The following NUAK1 variants were observed in gnomAD, a reference collection of about 807,000 sequenced individuals.
The protein encoded by NUAK1 is NUAK family kinase 1.
In NUAK1, 26 loss-of-function variants were observed where a neutral mutation model predicts 56.9. The observed-to-expected ratio is 0.46, with a 90% CI of 0.33 to 0.63. The LOEUF (loss-of-function observed/expected upper bound fraction) is 0.63, where lower values mean the gene tolerates loss of function less well. NUAK1 is among the 30% of genes least tolerant of loss of function. The pLI, the probability that NUAK1 is intolerant of heterozygous loss-of-function variation, is 0.02. For missense variants in NUAK1, 727 were observed against 876.1 expected, an observed-to-expected ratio of 0.83 and a Z score of 2.15; for synonymous variants, 337 against 336.0, an observed-to-expected ratio of 1.00 and a Z score of -0.03.
chr12:106,131,364 C>CCGCA (rs2033077913), intron 1 of NUAK1, among the ~76,000 whole-genome samples: 1 of 152,176 alleles, frequency 6.6e-6, no homozygotes, highest in African/African-American at 2.4e-5. Flanking sequence ...CCAACCCCAC[C>CCGCA]CGCAGGCCCA....
chr12:106,092,376 G>T (rs187535164), intron 2 of NUAK1, among the ~76,000 whole-genome samples: 64 of 152,136 alleles, frequency 4.2e-4, no homozygotes, highest in African/African-American at 1.4e-3. Context: ...AAATTAGCTG[G>T]GCGTGGTAGT....
intron 1 of NUAK1, among the ~76,000 whole-genome samples, chr12:106,120,579 C>T (rs1208077813): frequency 1.3e-5 from 2 of 152,190 alleles, no homozygotes; most frequent in Non-Finnish European, 2.9e-5. Flanking sequence ...GAAGCCATCT[C>T]AGGTCACCCC....
intron 1 of NUAK1, among the ~76,000 whole-genome samples, chr12:106,126,734 A>T (rs2913132): frequency 6.6e-6 from 1 of 151,916 alleles, no homozygotes; most frequent in Non-Finnish European, 1.5e-5. Context: ...TCTTTTCCTC[A>T]TCCCTGGAAT....
chr12:106,098,338 G>T (rs988891696), intron 2 of NUAK1, among the ~76,000 whole-genome samples: 1 of 152,118 alleles, frequency 6.6e-6, no homozygotes, highest in Admixed American at 6.5e-5. Flanking sequence ...ATCTTCTCGT[G>T]GGCAGCATGC....
At chr12:106,133,251 C>T (rs569291844) in intron 1 of NUAK1, among the ~76,000 whole-genome samples, 1 of 152,240 alleles carries the variant, frequency 6.6e-6, no homozygotes, top group African/African-American at 2.4e-5. Context: ...TTCCAATCCT[C>T]TGAAACCCAA....
At chr12:106,083,970 T>C (rs1308899145) in intron 3 of NUAK1, 41 bp from the exon 4 acceptor site, 2 of 1,543,770 alleles carry the variant, frequency 1.3e-6, no homozygotes, top group Admixed American at 1.7e-5. Context: ...TGGGAGCGGC[T>C]GGGATGAGAA....
Position 106,086,888 on chromosome 12 carries a change from G to A in NUAK1, c.362-3C>T. On this transcript the variant is annotated splice_region_variant and splice_polypyrimidine_tract_variant and intron_variant, in intron 2 of 6. Coordinates refer to ENST00000261402, the MANE Select transcript of NUAK1 (RefSeq NM_014840.3). The stretch of plus-strand genomic sequence containing the variant: ...AATCTTATCTTTGTTCTCAAACACT[G>A]CAGAGGGAAAACAGCAATACACAAA... 3.7e-6 allele frequency: 6 copies of A among 1,611,568 alleles called. No homozygotes were observed. Among genetic ancestry groups the A allele is most frequent in the Non-Finnish European group, 4.2e-6 (5 of 1,177,898 alleles).
chr12:106,130,876 G>A (rs1026713600), intron 1 of NUAK1, among the ~76,000 whole-genome samples: 3 of 152,178 alleles, frequency 2.0e-5, no homozygotes, highest in Non-Finnish European at 4.4e-5. Flanking sequence ...TCACCTCGGT[G>A]CTTCCTCTCA....
intron 1 of NUAK1, among the ~76,000 whole-genome samples, chr12:106,128,234 C>T (rs925389384): frequency 6.6e-6 from 1 of 150,950 alleles, no homozygotes; most frequent in South Asian, 2.1e-4. Flanking sequence ...CGGGTTCAAG[C>T]GATTCTCCTG....
At chr12:106,103,086 G>C (rs7132000) in intron 2 of NUAK1, 2 of 152,156 alleles carry the variant, frequency 1.3e-5, no homozygotes, top group Non-Finnish European at 2.9e-5. Context: ...ATATTCTTCC[G>C]TTAAGGTTTG....
intron 1 of NUAK1, among the ~76,000 whole-genome samples, chr12:106,108,501 C>T (rs2032827076): frequency 6.9e-6 from 1 of 144,548 alleles, no homozygotes; most frequent in East Asian, 1.9e-4. Context: ...AAAAACTTCC[C>T]TTCACTTACG....
intron 1 of NUAK1, among the ~76,000 whole-genome samples, chr12:106,113,665 G>A (rs1238473273): frequency 6.7e-6 from 1 of 149,538 alleles, no homozygotes; most frequent in East Asian, 1.9e-4. Flanking sequence ...ACAGGAAGCA[G>A]TTATATTACA....
rs147483198 is a variant in NUAK1 at position 106,135,247 on chromosome 12, A to G, written c.240+3167T>C. Reference sequence around the variant, plus strand: ...CCAGGGCTCTTTGCCTTTCTGCAAGAGTGCCTCATTTTTGAGCTTGTTCAT... The same window carrying G: ...CCAGGGCTCTTTGCCTTTCTGCAAGGGTGCCTCATTTTTGAGCTTGTTCAT... On this transcript the variant is annotated intron_variant, in intron 1 of 6. Coordinates refer to ENST00000261402, the MANE Select transcript of NUAK1 (RefSeq NM_014840.3). 5.3e-5 allele frequency among the ~76,000 whole-genome samples: 8 copies of G among 152,322 alleles called. No individual in the cohort carries two copies. The East Asian group carries it at 1.5e-3, about 29-fold the overall frequency.
chr12:106,111,051 A>G (rs1452363451), intron 1 of NUAK1, among the ~76,000 whole-genome samples: 1 of 151,996 alleles, frequency 6.6e-6, no homozygotes, highest in Non-Finnish European at 1.5e-5. Flanking sequence ...TAGAAGAGTA[A>G]ATGCTCAGAC....
At chr12:106,082,425 C>T (rs992912474) in intron 4 of NUAK1, among the ~76,000 whole-genome samples, 2 of 152,206 alleles carry the variant, frequency 1.3e-5, no homozygotes, top group African/African-American at 2.4e-5. Flanking sequence ...CTGCTCTAAG[C>T]AGGCCTGTGA....
chr12:106,127,216 G>A lies in NUAK1; in HGVS notation c.240+11198C>T, dbSNP rs554777217. Among the ~76,000 whole-genome samples, 6 of 152,304 alleles carry A rather than the reference G, an allele frequency of 3.9e-5. 1 individual carries two copies. In the East Asian group the frequency reaches 9.6e-4, roughly 24 times the overall value. The stretch of plus-strand genomic sequence containing the variant: ...TTCTTGCTCTGTTGCCCAGGCTGGA[G>A]TGCAGTGGTGTGATCGTAGATCACT... On this transcript the variant is annotated intron_variant, in intron 1 of 6. Coordinates refer to ENST00000261402, the MANE Select transcript of NUAK1 (RefSeq NM_014840.3).
At chr12:106,118,540 T>A (rs2032942544) in intron 1 of NUAK1, among the ~76,000 whole-genome samples, 1 of 152,224 alleles carries the variant, frequency 6.6e-6, no homozygotes, top group Non-Finnish European at 1.5e-5. Flanking sequence ...ATCAGAACAA[T>A]TTGAATGTGC....
chr12:106,079,287 CT>C (rs1198772727), intron 4 of NUAK1, among the ~76,000 whole-genome samples: 1 of 152,140 alleles, frequency 6.6e-6, no homozygotes, highest in East Asian at 1.9e-4. Flanking sequence ...CTTGCTGTTT[CT>C]TCCTCTTGAA....
chr12:106,096,890 A>G (rs11833852), intron 2 of NUAK1, among the ~76,000 whole-genome samples: 5,832 of 152,284 alleles, frequency 0.038, 382 homozygotes, highest in African/African-American at 0.13. Flanking sequence ...GGTGAGACCC[A>G]GGCATCAGCA....
Sources: gnomAD v4.1 joint callset for allele counts (sites outside exome capture counted in the v4.1 genomes callset) on GRCh38, gnomAD v4.1.1 for gene constraint, MANE v1.5 for transcripts, NCBI Gene and HGNC (gene_info 2026-07-23, HGNC 2026-07-21) for gene names.